Variants in ATR observed in about 807,000 individuals in gnomAD.
ATR encodes the protein ATR checkpoint kinase.
A neutral mutation model predicts 305.3 loss-of-function variants in ATR; 142 were observed. The observed-to-expected ratio is 0.47, with a 90% confidence interval of 0.41 to 0.53. The LOEUF is 0.53. ATR is among the 20% of genes least tolerant of loss of function. ATR has a pLI of 0.00. For synonymous variants in ATR, 1,050 were observed against 1,068.1 expected (o/e 0.98, Z 0.33); for missense variants, 2,135 against 3,133.1 (o/e 0.68, Z 7.60).
intron 36 of ATR, among the ~76,000 whole-genome samples, chr3:142,478,708 T>C (rs1360058091): frequency 6.6e-6 from 1 of 152,212 alleles, no homozygotes; most frequent in Non-Finnish European, 1.5e-5. Flanking sequence ...TCTCCCATTA[T>C]TATTGTGTGC....
At chr3:142,503,952 C>T (rs1346747773) in intron 29 of ATR, among the ~76,000 whole-genome samples, 1 of 152,112 alleles carries the variant, frequency 6.6e-6, no homozygotes, top group Non-Finnish European at 1.5e-5. Context: ...CATTCAAGCT[C>T]AAAGGTCCTG....
Position 142,496,326 on chromosome 3 carries a change from A to ATG in ATR, c.5898+34_5898+35insCA, listed in dbSNP as rs1553758709. 3.5e-5 allele frequency: 13 copies of ATG among 371,808 alleles called. 2 individuals carry two copies. The highest frequency in any genetic ancestry group is 8.6e-4 in the Middle Eastern group (1 of 1,164). The allele number at this position is 371,808 out of a possible 1,614,324, so 23.0% of individuals were successfully genotyped here. A position where few individuals can be genotyped will look rare whatever the true frequency, so the allele number is the denominator to read the frequency against. ...TATATATATATATATATATATATAT[A>ATG]TATATATATATGATGACATTTCCCT... is the stretch of plus-strand genomic sequence containing the variant. On this transcript the variant is annotated intron_variant, in intron 34 of 46. Coordinates refer to ENST00000350721, the MANE Select transcript of ATR (RefSeq NM_001184.4).
chr3:142,536,274 G>T, intron 19 of ATR, 73 bp from the exon 20 acceptor site: 1 of 1,079,286 alleles, frequency 9.3e-7, no homozygotes, highest in Non-Finnish European at 1.4e-6. Context: ...AGTAAAAGTT[G>T]AAACTAAGGC....
intron 35 of ATR, among the ~76,000 whole-genome samples, chr3:142,486,439 G>A (rs1050044468): frequency 6.6e-6 from 1 of 151,940 alleles, no homozygotes; most frequent in East Asian, 1.9e-4. Flanking sequence ...TTTCCTGCCT[G>A]TCTTCCTGCC....
In ATR at chr3:142,562,809, C is replaced by G. The variant is rs759878676; in HGVS notation, c.593G>C (p.Ser198Thr). 6.2e-7 allele frequency: 1 copy of G among 1,606,754 alleles called. No individual in the cohort carries two copies. The highest frequency in any genetic ancestry group is 1.1e-5 in the South Asian group (1 of 89,566). Reference sequence around the variant, plus strand: ...TTCAATAAATTCTAAATTTTGCATACTCATCAACTGCAAAGGAGCTGATTG... The same window carrying G: ...TTCAATAAATTCTAAATTTTGCATAGTCATCAACTGCAAAGGAGCTGATTG... ...YLQSAPLQLM[S>T]MQNLEFIEVT... is the part of the protein sequence containing the mutation. The change falls in exon 4 of 47, where the codon AGT becomes ACT. Residue 198 changes from serine (S) to threonine (T), a missense_variant. This residue lies in a region of ATR where 744 missense variants were observed against 873.2 expected (regional missense o/e 0.85). Coordinates refer to ENST00000350721, the MANE Select transcript of ATR (RefSeq NM_001184.4).
intron 46 of ATR, chr3:142,452,123 C>T: frequency 3.0e-6 from 3 of 1,016,788 alleles, no homozygotes; most frequent in Non-Finnish European, 3.5e-6. Context: ...GCAGCTAAAC[C>T]TTCTTTCTCA....
chr3:142,453,335 CTT>C, intron 45 of ATR, 102 bp from the exon 46 acceptor site: 2 of 1,347,014 alleles, frequency 1.5e-6, no homozygotes, highest in Non-Finnish European at 2.1e-6. Flanking sequence ...TGGTAATACT[CTT>C]ATAATACACA....
Position 142,468,034 on chromosome 3 carries a change from T to C in ATR, c.6587A>G (p.Glu2196Gly). Residue 2196 changes from glutamate (E) to glycine (G), a missense_variant, in exon 39 of 47, where the codon GAA becomes GGA. Physicochemically the swap from Glu to Gly is moderately conservative, Grantham distance 98. Around this residue, in one of 9 missense-constraint regions of ATR, gnomAD observed 462 missense variants for 887.6 expected, o/e 0.52. Coordinates refer to ENST00000350721, the MANE Select transcript of ATR (RefSeq NM_001184.4). ...SYPMRVNRCK[E>G]ILNKAIHMKK... ...CATATGAATAGCTTTATTGAGGATT[T>C]CCTTGCATCTGTTCACACGCATGGG... 1 of 1,613,012 alleles carries C rather than the reference T, an allele frequency of 6.2e-7. No individual in the cohort carries two copies. Among genetic ancestry groups the C allele is most frequent in the Non-Finnish European group, 8.5e-7 (1 of 1,179,478 alleles).
At chr3:142,551,252 C>T (rs2034461302) in intron 13 of ATR, among the ~76,000 whole-genome samples, 1 of 152,020 alleles carries the variant, frequency 6.6e-6, no homozygotes, top group Admixed American at 6.6e-5. Flanking sequence ...TCTAAAACCC[C>T]ATCTCTACAG....
intron 25 of ATR, 55 bp downstream of exon 25, chr3:142,515,340 T>G (rs534546574): frequency 6.2e-7 from 1 of 1,601,594 alleles, no homozygotes; most frequent in Non-Finnish European, 8.5e-7. Context: ...CAGATAGATG[T>G]TCTGGTTTCC....
chr3:142,451,697 A>G, intron 46 of ATR: 1 of 1,189,048 alleles, frequency 8.4e-7, no homozygotes, highest in Non-Finnish European at 1.1e-6. Context: ...CTCCCACCTC[A>G]GCCTCCCAAG....
chr3:142,510,787 C>A (rs147874533), intron 27 of ATR, among the ~76,000 whole-genome samples: 1 of 151,726 alleles, frequency 6.6e-6, no homozygotes, highest in African/African-American at 2.4e-5. Context: ...TTATAACCAT[C>A]CACTTATTGC....
intron 7 of ATR, 149 bp downstream of exon 7, chr3:142,559,102 C>T (rs1314121716): frequency 1.2e-6 from 1 of 852,256 alleles, no homozygotes; most frequent in African/African-American, 1.7e-5. Context: ...CTCAGAACTT[C>T]TATTATTGAC....
chr3:142,494,024 ACT>A (rs983357393), intron 34 of ATR, among the ~76,000 whole-genome samples: 21 of 151,936 alleles, frequency 1.4e-4, no homozygotes, highest in African/African-American at 4.8e-4. Flanking sequence ...ACAGAGCAAG[ACT>A]CTGTCTCTCT....
At chr3:142,542,822 A>T in intron 16 of ATR, 65 bp from the exon 17 acceptor site, 1 of 1,233,848 alleles carries the variant, frequency 8.1e-7, no homozygotes, top group Non-Finnish European at 1.2e-6. Flanking sequence ...TTGACATTTT[A>T]ATTATTTAAT....
intron 19 of ATR, 75 bp downstream of exon 19, chr3:142,538,407 T>G: frequency 6.7e-7 from 1 of 1,494,180 alleles, no homozygotes; most frequent in Admixed American, 1.8e-5. Flanking sequence ...GTTTCCACAT[T>G]ACCATCAGTA....
rs373345386 is a variant in ATR, at chr3:142,536,117, T to C, written c.3810A>G (p.Glu1270=). The stretch of plus-strand genomic sequence containing the variant: ...ATTAAAAATTAAATACCTTTCTGTA[T>C]TCCTGGAGAACGGCTTTTATCTTTT... ...ELKKIKAVLQ[E]YRKETSESTD... Residue 1270 remains glutamate, a synonymous_variant, in exon 20 of 47, where the codon GAA becomes GAG. Coordinates refer to ENST00000350721, the MANE Select transcript of ATR (RefSeq NM_001184.4). 4 of 1,567,724 alleles carry C rather than the reference T, an allele frequency of 2.6e-6. No individual in the cohort carries two copies. The highest frequency in any genetic ancestry group is 3.5e-6 in the Non-Finnish European group (4 of 1,138,332).
chr3:142,480,099 T>C (rs1196487266), intron 36 of ATR, among the ~76,000 whole-genome samples: 1 of 152,224 alleles, frequency 6.6e-6, no homozygotes, highest in Non-Finnish European at 1.5e-5. Flanking sequence ...TCAAAGTCAT[T>C]CTCTGTCCAG....
At position 142,453,193 on chromosome 3, in the gene ATR, T is replaced by C; in HGVS notation, c.7696A>G (p.Ser2566Gly). Residue 2566 changes from serine to glycine, a missense_variant, in exon 46 of 47, where the codon AGT (serine) becomes GGT (glycine). Ser to Gly is a moderately conservative substitution (Grantham distance 56). Around this residue, in one of 9 missense-constraint regions of ATR, gnomAD observed 462 missense variants for 887.6 expected, o/e 0.52. Coordinates refer to ENST00000350721, the MANE Select transcript of ATR (RefSeq NM_001184.4). Reference protein sequence around the residue: ...TFLHDPLVEWSKPVKGHSKAP... With the variant: ...TFLHDPLVEWGKPVKGHSKAP... ...TTGGAATGCCCTTTCACTGGTTTAC[T>C]CCATTCCACAAGAGGATCATGTAGA... 6.2e-7 allele frequency: 1 copy of C among 1,613,650 alleles called. No individual in the cohort carries two copies. Among genetic ancestry groups the C allele is most frequent in the Non-Finnish European group, 8.5e-7 (1 of 1,179,556 alleles).
Sources: gnomAD v4.1 joint callset for allele counts (sites outside exome capture counted in the v4.1 genomes callset) on GRCh38, gnomAD v4.1.1 for gene constraint, gnomAD v4.1.1 regional missense constraint, MANE v1.5 for transcripts, NCBI Gene and HGNC (gene_info 2026-07-23, HGNC 2026-07-21) for gene names.